PYDC1: variants seen among roughly 807,000 people sequenced by gnomAD.
PYDC1 encodes the protein pyrin domain containing 1.
A neutral mutation model predicts 0.7 loss-of-function variants in PYDC1; 1 was observed. The ratio of observed to expected loss-of-function variants is 1.39; its 90% confidence interval spans 0.49 to 6.61. PYDC1 has a LOEUF of 6.61. Ranked by LOEUF, PYDC1 falls within the 30% of genes most tolerant of loss-of-function variation. The pLI is 0.14. For synonymous variants in PYDC1, 37 were observed against 60.9 expected, an observed-to-expected ratio of 0.61 and a Z score of 1.83; for missense variants, 129 against 124.8, an observed-to-expected ratio of 1.03 and a Z score of -0.16.
Position 31,216,464 on chromosome 16 carries a change from T to A in PYDC1, c.*16+279A>T. On this transcript the variant is annotated intron_variant, in intron 1 of 1. Transcript: ENST00000302964. This position sits in a 1 kb window ranked among gnomAD's most constrained non-coding sequence, Gnocchi z 6.7. ...ACAAACAAACAAAAAAAACCCAACC[T>A]CGCCCAACCTTGCCCGTCTTTATCT... 1 of 385,962 alleles carries A rather than the reference T, an allele frequency of 2.6e-6. No homozygotes were observed. Among genetic ancestry groups the A allele is most frequent in the Non-Finnish European group, 4.6e-6 (1 of 217,324 alleles). 23.9% of individuals were successfully genotyped at this position (385,962 alleles called of 1,614,324 possible). A position where few individuals can be genotyped will look rare whatever the true frequency, so the allele number is the denominator to read the frequency against.
In PYDC1 at chr16:31,216,836, C is replaced by G; in HGVS notation, c.193G>C (p.Ala65Pro). 6.2e-7 allele frequency: 1 copy of G among 1,613,696 alleles called. No individual in the cohort carries two copies. The highest frequency in any genetic ancestry group is 8.5e-7 in the Non-Finnish European group (1 of 1,179,944). Residue 65 changes from alanine (A) to proline (P), a missense_variant, in exon 1 of 2, where the codon GCA (alanine) becomes CCA (proline). Physicochemically the swap from Ala to Pro is conservative, Grantham distance 27. Transcript: ENST00000302964. The surrounding 1 kb of genome is among the most constrained non-coding windows in gnomAD (Gnocchi z 6.7). ...KLVASYYEDY[A>P]AELVVAVLRD... ...AGCACGGCCACGACGAGCTCGGCTGCGTAGTCCTCGTAGTAGGAGGCGACC... is the reference window on the plus strand; with the variant it reads ...AGCACGGCCACGACGAGCTCGGCTGGGTAGTCCTCGTAGTAGGAGGCGACC...
Position 31,216,797 on chromosome 16 carries a change from T to G in PYDC1, c.232A>C (p.Met78Leu), listed in dbSNP as rs1465807881. 1.2e-6 allele frequency: 2 copies of G among 1,610,972 alleles called. No homozygotes were observed. Among genetic ancestry groups the G allele is most frequent in the Non-Finnish European group, 8.5e-7 (1 of 1,177,924 alleles). ...LVVAVLRDMRMLEEAARLQRA... is the reference protein window; with the variant it reads ...LVVAVLRDMRLLEEAARLQRA... ...TGCAGCCGTGCGGCCTCCTCCAACA[T>G]GCGCATGTCGCGCAGCACGGCCACG... Residue 78 changes from methionine to leucine, a missense_variant, in exon 1 of 2, where the codon ATG becomes CTG. Transcript: ENST00000302964. The surrounding 1 kb of genome is among the most constrained non-coding windows in gnomAD (Gnocchi z 6.7).
rs900687330 is a variant in PYDC1, at chr16:31,216,821, C to T, written c.208G>A (p.Val70Met). 1 of 1,612,986 alleles carries T rather than the reference C, an allele frequency of 6.2e-7. No homozygotes were observed. Among genetic ancestry groups the T allele is most frequent in the African/African-American group, 1.3e-5 (1 of 75,064 alleles). The change falls in exon 1 of 2, where the codon GTG (valine) becomes ATG (methionine). Residue 70 changes from valine to methionine, a missense_variant. Physicochemically the swap from Val to Met is conservative, Grantham distance 21. Coordinates refer to ENST00000302964, the MANE Select transcript of PYDC1 (RefSeq NM_152901.4). This position sits in a 1 kb window ranked among gnomAD's most constrained non-coding sequence, Gnocchi z 6.7. ...ATGCGCATGTCGCGCAGCACGGCCA[C>T]GACGAGCTCGGCTGCGTAGTCCTCG... The part of the protein sequence containing the change: ...YYEDYAAELV[V>M]AVLRDMRMLE...
chr16:31,216,161 G>C lies in PYDC1; in HGVS notation c.*17-4C>G, dbSNP rs188418215. On this transcript the variant is annotated splice_polypyrimidine_tract_variant and splice_region_variant and intron_variant, in intron 1 of 1. Transcript: ENST00000302964. This position sits in a 1 kb window ranked among gnomAD's most constrained non-coding sequence, Gnocchi z 6.7. ...TCCTTTTGCCTTGACCCGCCTCCTA[G>C]AAGGGGTAGACCACCGTCCTTTCGT... 6.6e-6 allele frequency: 1 copy of C among 152,362 alleles called. No homozygotes were observed. The highest frequency in any genetic ancestry group is 2.4e-5 in the African/African-American group (1 of 41,520). 9.4% of individuals were successfully genotyped at this position (152,362 alleles called of 1,614,324 possible). A position where few individuals can be genotyped will look rare whatever the true frequency, so the allele number is the denominator to read the frequency against.
In PYDC1 at chr16:31,216,612, G is replaced by A. The variant is rs1429579300; in HGVS notation, c.*16+131C>T. 1.0e-6 allele frequency: 1 copy of A among 975,100 alleles called. No individual in the cohort carries two copies. The allele number at this position is 975,100 out of a possible 1,614,324, so 60.4% of individuals were successfully genotyped here. On this transcript the variant is annotated intron_variant, in intron 1 of 1. Transcript: ENST00000302964. This position sits in a 1 kb window ranked among gnomAD's most constrained non-coding sequence, Gnocchi z 6.7. The stretch of plus-strand genomic sequence containing the variant: ...CGGCAGCCCAGCCCTTCGCCCCCGG[G>A]AGGGGCTGGCCGGAGGTCTGAGGGA...
Position 31,216,429 on chromosome 16 carries a change from A to C in PYDC1, c.*17-272T>G, listed in dbSNP as rs560417722. ...AATAAATCTTGCTGCCGCTAAAAAAAAAACAAAAAACAAACAAACAAAAAA... is the reference window on the plus strand; with the variant it reads ...AATAAATCTTGCTGCCGCTAAAAAACAAACAAAAAACAAACAAACAAAAAA... On this transcript the variant is annotated intron_variant, in intron 1 of 1. Coordinates refer to ENST00000302964, the MANE Select transcript of PYDC1 (RefSeq NM_152901.4). The surrounding 1 kb of genome is among the most constrained non-coding windows in gnomAD (Gnocchi z 6.7). The C allele has an allele frequency of 2.1e-5, 7 of 335,670 alleles. No individual in the cohort carries two copies. The highest frequency in any genetic ancestry group is 1.5e-4 in the African/African-American group (7 of 47,042). 20.8% of individuals were successfully genotyped at this position (335,670 alleles called of 1,614,324 possible).
In PYDC1 at chr16:31,216,085, T is replaced by A. The variant is rs1478647530; in HGVS notation, c.*89A>T. 1 of 152,332 alleles carries A rather than the reference T, an allele frequency of 6.6e-6. No homozygotes were observed. Among genetic ancestry groups the A allele is most frequent in the African/African-American group, 2.4e-5 (1 of 41,460 alleles). 9.4% of individuals were successfully genotyped at this position (152,332 alleles called of 1,614,324 possible). A position where few individuals can be genotyped will look rare whatever the true frequency, so the allele number is the denominator to read the frequency against. ...CCCCGAGGTGGAGACACTGCTGTTGTCTTACGCGACTGGTGCGCGCGTGGG... is the reference window on the plus strand; with the variant it reads ...CCCCGAGGTGGAGACACTGCTGTTGACTTACGCGACTGGTGCGCGCGTGGG... On this transcript the variant is annotated 3_prime_UTR_variant, in exon 2 of 2. Transcript: ENST00000302964. This position sits in a 1 kb window ranked among gnomAD's most constrained non-coding sequence, Gnocchi z 6.7.
In PYDC1 at chr16:31,216,203, C is replaced by G. The variant is rs988974788; in HGVS notation, c.*17-46G>C. The G allele has an allele frequency of 6.6e-6, 1 of 152,560 alleles. No individual in the cohort carries two copies. The highest frequency in any genetic ancestry group is 2.4e-5 in the African/African-American group (1 of 41,390). The allele number at this position is 152,560 out of a possible 1,614,324, so 9.5% of individuals were successfully genotyped here. A position where few individuals can be genotyped will look rare whatever the true frequency, so the allele number is the denominator to read the frequency against. ...TCCTTTCGTTGGTATTCGAGGCCCC[C>G]AGACTTCCCAGGGACCCAGCCTCTC... On this transcript the variant is annotated intron_variant, in intron 1 of 1. Coordinates refer to ENST00000302964, the MANE Select transcript of PYDC1 (RefSeq NM_152901.4). This position sits in a 1 kb window ranked among gnomAD's most constrained non-coding sequence, Gnocchi z 6.7.
rs1455075484 is a variant in PYDC1, at chr16:31,216,800, G to A, written c.229C>T (p.Arg77Cys). 16 of 1,610,874 alleles carry A rather than the reference G, an allele frequency of 9.9e-6. No individual in the cohort carries two copies. Among genetic ancestry groups the A allele is most frequent in the African/African-American group, 1.3e-5 (1 of 74,914 alleles). ...ELVVAVLRDM[R>C]MLEEAARLQR... ...AGCCGTGCGGCCTCCTCCAACATGCGCATGTCGCGCAGCACGGCCACGACG... is the reference window on the plus strand; with the variant it reads ...AGCCGTGCGGCCTCCTCCAACATGCACATGTCGCGCAGCACGGCCACGACG... Residue 77 changes from arginine (R) to cysteine (C), a missense_variant, in exon 1 of 2, where the codon CGC (arginine) becomes TGC (cysteine). Physicochemically the swap from Arg to Cys is radical, Grantham distance 180. Coordinates refer to ENST00000302964, the MANE Select transcript of PYDC1 (RefSeq NM_152901.4). The surrounding 1 kb of genome is among the most constrained non-coding windows in gnomAD (Gnocchi z 6.7).
Position 31,216,812 on chromosome 16 carries a change from GCACGGC to G in PYDC1, c.211_216del (p.Ala71_Val72del). On this transcript the variant is annotated inframe_deletion, in exon 1 of 2. Transcript: ENST00000302964. This position sits in a 1 kb window ranked among gnomAD's most constrained non-coding sequence, Gnocchi z 6.7. ...TCCTCCAACATGCGCATGTCGCGCA[GCACGGC>G]CACGACGAGCTCGGCTGCGTAGTCC... 6.2e-7 allele frequency: 1 copy of G among 1,612,254 alleles called. No homozygotes were observed. The highest frequency in any genetic ancestry group is 1.1e-5 in the South Asian group (1 of 91,072).
In PYDC1 at chr16:31,216,549, A is replaced by G. The variant is rs1454244591; in HGVS notation, c.*16+194T>C. Among the ~76,000 whole-genome samples, 1 of 152,178 alleles carries G rather than the reference A, an allele frequency of 6.6e-6. No individual in the cohort carries two copies. The highest frequency in any genetic ancestry group is 1.5e-5 in the Non-Finnish European group (1 of 68,026). ...GGCCCAGGCAGCCCAGGAGCCTGGA[A>G]GGGGGCAGTGGGGCGAGATGCAGCC... On this transcript the variant is annotated intron_variant, in intron 1 of 1. Coordinates refer to ENST00000302964, the MANE Select transcript of PYDC1 (RefSeq NM_152901.4). This position sits in a 1 kb window ranked among gnomAD's most constrained non-coding sequence, Gnocchi z 6.7.
At position 31,217,038 on chromosome 16, in the gene PYDC1, CT is replaced by C; in HGVS notation, c.-11del. ...CGCGCTTCGTTCCCATGGCTCAGCC[CT>C]GCGCCTCTGAGCCTCCGAGGGCCTG... On this transcript the variant is annotated 5_prime_UTR_variant, in exon 1 of 2. It introduces an in-frame stop codon into an upstream open reading frame of the 5' UTR. Transcript: ENST00000302964. The C allele has an allele frequency of 6.2e-7, 1 of 1,606,316 alleles. No individual in the cohort carries two copies. The highest frequency in any genetic ancestry group is 2.2e-5 in the East Asian group (1 of 44,598).
Position 31,216,913 on chromosome 16 carries a change from A to C in PYDC1, c.116T>G (p.Ile39Ser). The change falls in exon 1 of 2, where the codon ATC becomes AGC. Residue 39 changes from isoleucine to serine, a missense_variant. Ile to Ser is a moderately radical substitution (Grantham distance 142). Coordinates refer to ENST00000302964, the MANE Select transcript of PYDC1 (RefSeq NM_152901.4). This position sits in a 1 kb window ranked among gnomAD's most constrained non-coding sequence, Gnocchi z 6.7. The stretch of plus-strand genomic sequence containing the variant: ...TAGCTGCCCGAGCGCGCCCCGCGGG[A>C]TGCGCTCAAAGCCCTCGCGCAGCGG... ...TVPLREGFER[I>S]PRGALGQLDI... 6.2e-7 allele frequency: 1 copy of C among 1,613,954 alleles called. No homozygotes were observed. Among genetic ancestry groups the C allele is most frequent in the Non-Finnish European group, 8.5e-7 (1 of 1,180,028 alleles).
rs751918609 is a variant in PYDC1 at position 31,216,723 on chromosome 16, T to G, written c.*16+20A>C. On this transcript the variant is annotated intron_variant, in intron 1 of 1. Coordinates refer to ENST00000302964, the MANE Select transcript of PYDC1 (RefSeq NM_152901.4). This position sits in a 1 kb window ranked among gnomAD's most constrained non-coding sequence, Gnocchi z 6.7. Reference sequence around the variant, plus strand: ...TGGGTCCTTGGCGAGGAAGCGGGGTTGGGTCCCGAGATCACGTACCAGCTC... The same window carrying G: ...TGGGTCCTTGGCGAGGAAGCGGGGTGGGGTCCCGAGATCACGTACCAGCTC... The G allele has an allele frequency of 6.4e-6, 10 of 1,571,578 alleles. No individual in the cohort carries two copies. In the South Asian group the frequency reaches 1.0e-4, roughly 16 times the overall value.
Position 31,217,072 on chromosome 16 carries a change from C to T in PYDC1, c.-44G>A, listed in dbSNP as rs146708916. On this transcript the variant is annotated 5_prime_UTR_variant, in exon 1 of 2. Coordinates refer to ENST00000302964, the MANE Select transcript of PYDC1 (RefSeq NM_152901.4). ...TGAGCCTCCGAGGGCCTGGAGCCAT[C>T]AGGTCCTACCTTTCCTGCAGCAGGT... 2,191 of 1,570,778 alleles carry T rather than the reference C, an allele frequency of 1.4e-3. 21 individuals carry two copies. In the African/African-American group the frequency reaches 0.025, roughly 18 times the overall value.
chr16:31,216,638 G>T lies in PYDC1; in HGVS notation c.*16+105C>A. The stretch of plus-strand genomic sequence containing the variant: ...AGGGGCTGGCCGGAGGTCTGAGGGA[G>T]GACCCCAGGAGGGACCCTGAAGGAG... On this transcript the variant is annotated intron_variant, in intron 1 of 1. Coordinates refer to ENST00000302964, the MANE Select transcript of PYDC1 (RefSeq NM_152901.4). The surrounding 1 kb of genome is among the most constrained non-coding windows in gnomAD (Gnocchi z 6.7). The T allele has an allele frequency of 8.1e-7, 1 of 1,233,196 alleles. No homozygotes were observed. 76.4% of individuals were successfully genotyped at this position (1,233,196 alleles called of 1,614,324 possible). A position where few individuals can be genotyped will look rare whatever the true frequency, so the allele number is the denominator to read the frequency against.
chr16:31,216,457 C>A lies in PYDC1; in HGVS notation c.*16+286G>T, dbSNP rs1000961838. 2 of 382,828 alleles carry A rather than the reference C, an allele frequency of 5.2e-6. No homozygotes were observed. Among genetic ancestry groups the A allele is most frequent in the South Asian group, 8.7e-5 (1 of 11,486 alleles). The allele number at this position is 382,828 out of a possible 1,614,324, so 23.7% of individuals were successfully genotyped here. ...ACAAAAAACAAACAAACAAAAAAAA[C>A]CCAACCTCGCCCAACCTTGCCCGTC... On this transcript the variant is annotated intron_variant, in intron 1 of 1. Transcript: ENST00000302964. The surrounding 1 kb of genome is among the most constrained non-coding windows in gnomAD (Gnocchi z 6.7).
Position 31,216,927 on chromosome 16 carries a change from C to T in PYDC1, c.102G>A (p.Glu34=), listed in dbSNP as rs560556446. 10 of 1,614,160 alleles carry T rather than the reference C, an allele frequency of 6.2e-6. No individual in the cohort carries two copies. The highest frequency in any genetic ancestry group is 5.5e-5 in the South Asian group (5 of 91,092). The change falls in exon 1 of 2, where the codon GAG becomes GAA. Residue 34 remains glutamate (E), a synonymous_variant. Transcript: ENST00000302964. This position sits in a 1 kb window ranked among gnomAD's most constrained non-coding sequence, Gnocchi z 6.7. The stretch of plus-strand genomic sequence containing the variant: ...CGCCCCGCGGGATGCGCTCAAAGCC[C>T]TCGCGCAGCGGCACCGTCCCCAGCT... The part of the protein sequence containing the change: ...KMKLGTVPLR[E]GFERIPRGAL...
chr16:31,216,816 G>T lies in PYDC1; in HGVS notation c.213C>A (p.Ala71=), dbSNP rs2079511238. Residue 71 remains alanine (A), a synonymous_variant, in exon 1 of 2, where the codon GCC becomes GCA. Transcript: ENST00000302964. This position sits in a 1 kb window ranked among gnomAD's most constrained non-coding sequence, Gnocchi z 6.7. ...CCAACATGCGCATGTCGCGCAGCAC[G>T]GCCACGACGAGCTCGGCTGCGTAGT... The part of the protein sequence containing the change: ...YEDYAAELVV[A]VLRDMRMLEE... 3.1e-6 allele frequency: 5 copies of T among 1,612,334 alleles called. No homozygotes were observed. The highest frequency in any genetic ancestry group is 3.3e-5 in the Admixed American group (2 of 60,000).
Sources: gnomAD v4.1 joint callset for allele counts (sites outside exome capture counted in the v4.1 genomes callset) on GRCh38, gnomAD v4.1.1 for gene constraint, Gnocchi (gnomAD v3.1) non-coding constraint, MANE v1.5 for transcripts, NCBI Gene and HGNC (gene_info 2026-07-23, HGNC 2026-07-21) for gene names.